The following SPRN variants were observed in gnomAD, a reference collection of about 807,000 sequenced individuals.
SPRN encodes shadow of prion protein.
For missense variants in SPRN, 312 were observed against 241.4 expected, an observed-to-expected ratio of 1.29 and a Z score of -1.94; for synonymous variants, 182 against 123.4, an observed-to-expected ratio of 1.48 and a Z score of -3.15.
chr10:133,421,770 AG>A lies in SPRN; in HGVS notation c.*1455del, dbSNP rs1395213230. 6.5e-6 allele frequency: 1 copy of A among 153,436 alleles called. No homozygotes were observed. Among genetic ancestry groups the A allele is most frequent in the Non-Finnish European group, 1.5e-5 (1 of 68,826 alleles). The allele number at this position is 153,436 out of a possible 1,614,324, so 9.5% of individuals were successfully genotyped here. The stretch of plus-strand genomic sequence containing the variant: ...CCAGCTGGGGAAGGCAGAGGCTGGC[AG>A]GGCCCGTGGTGGGTGCTGGTCTTGA... On this transcript the variant is annotated 3_prime_UTR_variant, in exon 2 of 2. Transcript: ENST00000685335.
At position 133,423,666 on chromosome 10, in the gene SPRN, C is replaced by G. The variant is rs760261170; in HGVS notation, c.16G>C (p.Ala6Pro). The G allele has an allele frequency of 4.4e-6, 7 of 1,579,364 alleles. No individual in the cohort carries two copies. The highest frequency in any genetic ancestry group is 4.6e-4 in the Middle Eastern group (2 of 4,340). ...GCCAGTAGCAGAGCCCAGCACGTTG[C>G]GGGTGCCCAGTTCATCTTCGTGGGG... is the stretch of plus-strand genomic sequence containing the variant. MNWAP[A>P]TCWALLLAAA... The change falls in exon 2 of 2, where the codon GCA becomes CCA. Residue 6 changes from alanine to proline, a missense_variant. Coordinates refer to ENST00000685335, the MANE Select transcript of SPRN (RefSeq NM_001391974.1).
In SPRN at chr10:133,423,303, C is replaced by T. The variant is rs1445874706; in HGVS notation, c.379G>A (p.Ala127Thr). 3 of 1,520,954 alleles carry T rather than the reference C, an allele frequency of 2.0e-6. No homozygotes were observed. The highest frequency in any genetic ancestry group is 1.8e-6 in the Non-Finnish European group (2 of 1,139,656). 94.2% of individuals were successfully genotyped at this position (1,520,954 alleles called of 1,614,324 possible). Residue 127 changes from alanine (A) to threonine (T), a missense_variant, in exon 2 of 2, where the codon GCT (alanine) becomes ACT (threonine). Transcript: ENST00000685335. Reference sequence around the variant, plus strand: ...AGACGCGGGCCGCGCGTGGGTCCAGCGCCCGAAGTCCACGCCCGGTAGCTG... The same window carrying T: ...AGACGCGGGCCGCGCGTGGGTCCAGTGCCCGAAGTCCACGCCCGGTAGCTG... ...IYSYRAWTSG[A>T]GPTRGPRLCL...
In SPRN at chr10:133,422,984, A is replaced by G; in HGVS notation, c.*242T>C. 2.4e-6 allele frequency: 1 copy of G among 414,046 alleles called. No individual in the cohort carries two copies. The allele number at this position is 414,046 out of a possible 1,614,324, so 25.6% of individuals were successfully genotyped here. On this transcript the variant is annotated 3_prime_UTR_variant, in exon 2 of 2. Transcript: ENST00000685335. ...CCACAGGCAGCTGCCTTTTTGGCTG[A>G]GGGGACCCTAACATCCTGGAGTGGG...
rs748704164 is a variant in SPRN at position 133,423,654 on chromosome 10, C to T, written c.28G>A (p.Ala10Thr). ...AGGAAGGCGGCCGCCAGTAGCAGAG[C>T]CCAGCACGTTGCGGGTGCCCAGTTC... MNWAPATCWALLLAAAFLCD... is the reference protein window; with the variant it reads MNWAPATCWTLLLAAAFLCD... The change falls in exon 2 of 2, where the codon GCT becomes ACT. Residue 10 changes from alanine (A) to threonine (T), a missense_variant. Physicochemically the swap from Ala to Thr is moderately conservative, Grantham distance 58. Transcript: ENST00000685335. The T allele has an allele frequency of 5.0e-6, 8 of 1,587,358 alleles. No homozygotes were observed. The East Asian group carries it at 1.6e-4, about 32-fold the overall frequency.
rs1419755170 is a variant in SPRN at position 133,424,478 on chromosome 10, A to C, written c.-22T>G. 1.0e-5 allele frequency: 1 copy of C among 97,720 alleles called. No homozygotes were observed. 6.1% of individuals were successfully genotyped at this position (97,720 alleles called of 1,614,324 possible). A position where few individuals can be genotyped will look rare whatever the true frequency, so the allele number is the denominator to read the frequency against. ...CCCCAGCCTCCCGGCCTTACCCGCC[A>C]CGGGCCTCGGTTGGAACCGCGCGCT... On this transcript the variant is annotated 5_prime_UTR_variant, in exon 1 of 2. Transcript: ENST00000685335.
At position 133,423,641 on chromosome 10, in the gene SPRN, G is replaced by T. The variant is rs1236190971; in HGVS notation, c.41C>A (p.Ala14Glu). ...APATCWALLL[A>E]AAFLCDSGAA... The stretch of plus-strand genomic sequence containing the variant: ...GCCGCTGTCGCAGAGGAAGGCGGCC[G>T]CCAGTAGCAGAGCCCAGCACGTTGC... Residue 14 changes from alanine to glutamate, a missense_variant, in exon 2 of 2, where the codon GCG becomes GAG. By Grantham distance (107) the Ala-to-Glu change is moderately radical (BLOSUM62 -1). Coordinates refer to ENST00000685335, the MANE Select transcript of SPRN (RefSeq NM_001391974.1). The T allele has an allele frequency of 5.1e-6, 8 of 1,581,688 alleles. No individual in the cohort carries two copies. The highest frequency in any genetic ancestry group is 1.1e-5 in the South Asian group (1 of 87,160).
chr10:133,423,047 G>A lies in SPRN; in HGVS notation c.*179C>T. The A allele has an allele frequency of 3.2e-6, 2 of 632,352 alleles. No individual in the cohort carries two copies. The highest frequency in any genetic ancestry group is 3.0e-5 in the Admixed American group (1 of 33,310). The allele number at this position is 632,352 out of a possible 1,614,324, so 39.2% of individuals were successfully genotyped here. ...CATGGTCTCCTCTAGGTGGGAGGTG[G>A]CAGGCTGAGGCGGCGTGGGCAGGAC... On this transcript the variant is annotated 3_prime_UTR_variant, in exon 2 of 2. Coordinates refer to ENST00000685335, the MANE Select transcript of SPRN (RefSeq NM_001391974.1).
chr10:133,423,843 G>A, intron 1 of SPRN, 146 bp from the exon 2 acceptor site: 1 of 515,360 alleles, frequency 1.9e-6, no homozygotes, highest in Non-Finnish European at 3.2e-6. Context: ...TGAGGCCTGG[G>A]GGGGCGCGGT....
At position 133,423,453 on chromosome 10, in the gene SPRN, C is replaced by A; in HGVS notation, c.229G>T (p.Ala77Ser). 1.6e-5 allele frequency: 19 copies of A among 1,214,354 alleles called. No individual in the cohort carries two copies. The highest frequency in any genetic ancestry group is 1.9e-5 in the Non-Finnish European group (19 of 980,422). The allele number at this position is 1,214,354 out of a possible 1,614,324, so 75.2% of individuals were successfully genotyped here. ...GCCGCCAGGCCCGCGGCCGCTCCCG[C>A]CGCCGCCCCGGCTGCCGCCCCGGCG... ...AAAGAAAGAAAGAAAGLAAGS... is the reference protein window; with the variant it reads ...AAAGAAAGAASGAAAGLAAGS... The change falls in exon 2 of 2, where the codon GCG becomes TCG. Residue 77 changes from alanine to serine, a missense_variant. By Grantham distance (99) the Ala-to-Ser change is moderately conservative. Transcript: ENST00000685335.
At position 133,423,061 on chromosome 10, in the gene SPRN, C is replaced by CG. The variant is rs1850282765; in HGVS notation, c.*164dup. 71 of 712,814 alleles carry CG rather than the reference C, an allele frequency of 1.0e-4. 1 individual carries two copies. In the South Asian group the frequency reaches 1.3e-3, roughly 13 times the overall value. The allele number at this position is 712,814 out of a possible 1,614,324, so 44.2% of individuals were successfully genotyped here. A position where few individuals can be genotyped will look rare whatever the true frequency, so the allele number is the denominator to read the frequency against. The stretch of plus-strand genomic sequence containing the variant: ...GGTGGGAGGTGGCAGGCTGAGGCGG[C>CG]GTGGGCAGGACGGTGGATGGCGGGT... On this transcript the variant is annotated 3_prime_UTR_variant, in exon 2 of 2. Coordinates refer to ENST00000685335, the MANE Select transcript of SPRN (RefSeq NM_001391974.1).
rs1030405504 is a variant in SPRN, at chr10:133,423,595, T to C, written c.87A>G (p.Gly29=). The change falls in exon 2 of 2, where the codon GGA becomes GGG. Residue 29 remains glycine, a synonymous_variant. Transcript: ENST00000685335. ...CDSGAAKGGR[G]GARGSARGGV... is the part of the protein sequence containing the mutation. ...CTCCCCGGGCACTGCCCCGCGCACC[T>C]CCGCGGCCGCCCTTGGCTGCGCCGC... 11 of 1,503,118 alleles carry C rather than the reference T, an allele frequency of 7.3e-6. No homozygotes were observed. Among genetic ancestry groups the C allele is most frequent in the African/African-American group, 1.4e-5 (1 of 69,578 alleles). 93.1% of individuals were successfully genotyped at this position (1,503,118 alleles called of 1,614,324 possible). A position where few individuals can be genotyped will look rare whatever the true frequency, so the allele number is the denominator to read the frequency against.
Position 133,422,481 on chromosome 10 carries a change from C to G in SPRN, c.*745G>C, listed in dbSNP as rs200788034. 13 of 152,426 alleles carry G rather than the reference C, an allele frequency of 8.5e-5. No individual in the cohort carries two copies. In the East Asian group the frequency reaches 1.5e-3, roughly 18 times the overall value. 9.4% of individuals were successfully genotyped at this position (152,426 alleles called of 1,614,324 possible). A position where few individuals can be genotyped will look rare whatever the true frequency, so the allele number is the denominator to read the frequency against. ...TCTGGAATGTGTTGGTTTTTCCCCC[C>G]CAAAATGGGTCCTAAGGAGGGTAAA... On this transcript the variant is annotated 3_prime_UTR_variant, in exon 2 of 2. Coordinates refer to ENST00000685335, the MANE Select transcript of SPRN (RefSeq NM_001391974.1).
rs1221136802 is a variant in SPRN, at chr10:133,423,395, C to G, written c.287G>C (p.Gly96Ala). The change falls in exon 2 of 2, where the codon GGG (glycine) becomes GCG (alanine). Residue 96 changes from glycine (G) to alanine (A), a missense_variant. Coordinates refer to ENST00000685335, the MANE Select transcript of SPRN (RefSeq NM_001391974.1). Reference protein sequence around the residue: ...GSGWRRAAGPGERGLEDEEDG... With the variant: ...GSGWRRAAGPAERGLEDEEDG... ...CTCCTCGTCCTCCAGGCCGCGTTCC[C>G]CGGGTCCCGCGGCCCTTCTCCAGCC... 1 of 1,492,650 alleles carries G rather than the reference C, an allele frequency of 6.7e-7. No individual in the cohort carries two copies. Among genetic ancestry groups the G allele is most frequent in the Admixed American group, 2.1e-5 (1 of 47,024 alleles). 92.5% of individuals were successfully genotyped at this position (1,492,650 alleles called of 1,614,324 possible).
rs1187627162 is a variant in SPRN, at chr10:133,423,243, C to T, written c.439G>A (p.Gly147Arg). The T allele has an allele frequency of 1.4e-6, 2 of 1,476,818 alleles. No individual in the cohort carries two copies. Among genetic ancestry groups the T allele is most frequent in the Non-Finnish European group, 1.8e-6 (2 of 1,115,514 alleles). 91.5% of individuals were successfully genotyped at this position (1,476,818 alleles called of 1,614,324 possible). A position where few individuals can be genotyped will look rare whatever the true frequency, so the allele number is the denominator to read the frequency against. Residue 147 changes from glycine (G) to arginine (R), a missense_variant, in exon 2 of 2, where the codon GGG becomes AGG. Physicochemically the swap from Gly to Arg is moderately radical, Grantham distance 125. Transcript: ENST00000685335. ...LVLGGALGAL[G>R]LLRP is the part of the protein sequence containing the mutation. ...AGCCAGGCCTAGGGCCGCAGCAGCC[C>T]CAGGGCTCCGAGGGCGCCGCCCAGC...
At chr10:133,424,245 T>A (rs4525143) in intron 1 of SPRN, among the ~76,000 whole-genome samples, 2 of 123,756 alleles carry the variant, frequency 1.6e-5, no homozygotes, top group East Asian at 4.7e-4. Context: ...GCTGCTGACA[T>A]CGTGCGGACT....
At position 133,423,448 on chromosome 10, in the gene SPRN, T is replaced by TCCCGCCGCCGCC. The variant is rs1850296673; in HGVS notation, c.222_233dup (p.Ala79_Gly82dup). ...AGCCCGCCGCCAGGCCCGCGGCCGC[T>TCCCGCCGCCGCC]CCCGCCGCCGCCCCGGCTGCCGCCC... On this transcript the variant is annotated inframe_insertion, in exon 2 of 2. Transcript: ENST00000685335. 8.1e-7 allele frequency: 1 copy of TCCCGCCGCCGCC among 1,234,170 alleles called. No homozygotes were observed. Among genetic ancestry groups the TCCCGCCGCCGCC allele is most frequent in the Non-Finnish European group, 1.0e-6 (1 of 992,198 alleles). The allele number at this position is 1,234,170 out of a possible 1,614,324, so 76.5% of individuals were successfully genotyped here.
In SPRN at chr10:133,423,179, G is replaced by T. The variant is rs1478212037; in HGVS notation, c.*47C>A. On this transcript the variant is annotated 3_prime_UTR_variant, in exon 2 of 2. Coordinates refer to ENST00000685335, the MANE Select transcript of SPRN (RefSeq NM_001391974.1). Reference sequence around the variant, plus strand: ...GAGCCCAGGCCGGAGGATCCTGGGGGATGGCGCGGGCCGGGGGCCAGATGT... The same window carrying T: ...GAGCCCAGGCCGGAGGATCCTGGGGTATGGCGCGGGCCGGGGGCCAGATGT... 1 of 1,362,444 alleles carries T rather than the reference G, an allele frequency of 7.3e-7. No individual in the cohort carries two copies. Among genetic ancestry groups the T allele is most frequent in the Non-Finnish European group, 9.5e-7 (1 of 1,054,558 alleles). The allele number at this position is 1,362,444 out of a possible 1,614,324, so 84.4% of individuals were successfully genotyped here. A position where few individuals can be genotyped will look rare whatever the true frequency, so the allele number is the denominator to read the frequency against.
At position 133,423,438 on chromosome 10, in the gene SPRN, C is replaced by G. The variant is rs1850295935; in HGVS notation, c.244G>C (p.Gly82Arg). ...AAGAAAGAAA[G>R]LAAGSGWRRA... The stretch of plus-strand genomic sequence containing the variant: ...CTCCAGCCCGAGCCCGCCGCCAGGC[C>G]CGCGGCCGCTCCCGCCGCCGCCCCG... Residue 82 changes from glycine to arginine, a missense_variant, in exon 2 of 2, where the codon GGC (glycine) becomes CGC (arginine). Coordinates refer to ENST00000685335, the MANE Select transcript of SPRN (RefSeq NM_001391974.1). 2 of 1,278,034 alleles carry G rather than the reference C, an allele frequency of 1.6e-6. No individual in the cohort carries two copies. The highest frequency in any genetic ancestry group is 2.0e-6 in the Non-Finnish European group (2 of 1,015,942). The allele number at this position is 1,278,034 out of a possible 1,614,324, so 79.2% of individuals were successfully genotyped here.
In SPRN at chr10:133,421,474, C is replaced by G. The variant is rs912607467; in HGVS notation, c.*1752G>C. On this transcript the variant is annotated 3_prime_UTR_variant, in exon 2 of 2. Coordinates refer to ENST00000685335, the MANE Select transcript of SPRN (RefSeq NM_001391974.1). Reference sequence around the variant, plus strand: ...GCTGTGAGGAGACTCAGACCACCCCCTGCCTCCTGGGGGAAATGTCAGAAG... The same window carrying G: ...GCTGTGAGGAGACTCAGACCACCCCGTGCCTCCTGGGGGAAATGTCAGAAG... 6.5e-6 allele frequency: 1 copy of G among 152,810 alleles called. No homozygotes were observed. The highest frequency in any genetic ancestry group is 6.5e-5 in the Admixed American group (1 of 15,282). The allele number at this position is 152,810 out of a possible 1,614,324, so 9.5% of individuals were successfully genotyped here. A position where few individuals can be genotyped will look rare whatever the true frequency, so the allele number is the denominator to read the frequency against.
Sources: allele counts gnomAD v4.1 joint callset (sites outside exome capture counted in the v4.1 genomes callset), GRCh38; gene constraint gnomAD v4.1.1; transcripts MANE v1.5; gene names NCBI Gene and HGNC (gene_info 2026-07-23, HGNC 2026-07-21).